Variants in RSRC1 observed in about 807,000 individuals in gnomAD.
RSRC1 encodes the protein arginine and serine rich coiled-coil 1.
In RSRC1, 39 loss-of-function variants were observed where a neutral mutation model predicts 49.1. The observed-to-expected ratio is 0.79, with a 90% CI of 0.61 to 1.04. The LOEUF (loss-of-function observed/expected upper bound fraction) is 1.04, where lower values mean the gene tolerates loss of function less well. Among genes scored for constraint, RSRC1 ranks in the 50% least tolerant of loss-of-function variants. The probability of loss-of-function intolerance (pLI) is 0.00; values close to 1 mark genes in which losing one functional copy is unlikely to be tolerated. For missense variants in RSRC1, 388 were observed against 402.4 expected, an observed-to-expected ratio of 0.96 and a Z score of 0.31; for synonymous variants, 143 against 130.8, an observed-to-expected ratio of 1.09 and a Z score of -0.63.
chr3:158,242,437 T>C (rs1349678842), intron 4 of RSRC1, among the ~76,000 whole-genome samples: 1 of 152,240 alleles, frequency 6.6e-6, no homozygotes, highest in East Asian at 1.9e-4. Flanking sequence ...CACATTTTCT[T>C]TATCCAATCT....
chr3:158,119,934 G>A (rs181929344), intron 1 of RSRC1, among the ~76,000 whole-genome samples: 1 of 150,140 alleles, frequency 6.7e-6, no homozygotes. Flanking sequence ...AGGTTCAAGC[G>A]ATTCTCCTGT....
At chr3:158,528,202 C>T (rs1438065936) in intron 7 of RSRC1, among the ~76,000 whole-genome samples, 2 of 151,798 alleles carry the variant, frequency 1.3e-5, no homozygotes, top group Admixed American at 1.3e-4. Context: ...ACAAGGCCAG[C>T]CAGCAACAAA....
intron 4 of RSRC1, among the ~76,000 whole-genome samples, chr3:158,229,406 A>G (rs1475958638): frequency 3.4e-5 from 5 of 147,470 alleles, no homozygotes; most frequent in Non-Finnish European, 7.5e-5. Flanking sequence ...ACACATACAC[A>G]CGTATATGTG....
intron 5 of RSRC1, among the ~76,000 whole-genome samples, chr3:158,352,503 T>C (rs1046277151): frequency 1.3e-5 from 2 of 152,038 alleles, no homozygotes; most frequent in African/African-American, 2.4e-5. Context: ...CCTTATGAAA[T>C]ACAAAAAAAA....
At chr3:158,321,353 T>C (rs1728750254) in intron 5 of RSRC1, among the ~76,000 whole-genome samples, 1 of 151,956 alleles carries the variant, frequency 6.6e-6, no homozygotes, top group African/African-American at 2.4e-5. Flanking sequence ...CTCTCTCTTA[T>C]CTTTTTTCTC....
intron 6 of RSRC1, among the ~76,000 whole-genome samples, chr3:158,366,285 A>G (rs886642566): frequency 5.3e-5 from 8 of 152,156 alleles, no homozygotes; most frequent in African/African-American, 1.9e-4. Context: ...TGTAGGTCTT[A>G]CGTTTAAGTC....
chr3:158,400,036 G>T (rs142064550), intron 6 of RSRC1, among the ~76,000 whole-genome samples: 1 of 152,130 alleles, frequency 6.6e-6, no homozygotes, highest in East Asian at 1.9e-4. Context: ...AGATGTTTCA[G>T]TCTATTTGCC....
chr3:158,298,138 C>A, intron 5 of RSRC1, 63 bp downstream of exon 5: 1 of 1,178,794 alleles, frequency 8.5e-7, no homozygotes, highest in Non-Finnish European at 1.3e-6. Context: ...TAAATGAACA[C>A]TTTTGAATGA....
chr3:158,382,314 T>C (rs1053093288), intron 6 of RSRC1, among the ~76,000 whole-genome samples: 1 of 152,144 alleles, frequency 6.6e-6, no homozygotes, highest in Non-Finnish European at 1.5e-5. Context: ...TAACTTTTTT[T>C]TATAAGTAGA....
chr3:158,307,887 A>T (rs1465211058), intron 5 of RSRC1, among the ~76,000 whole-genome samples: 1 of 151,944 alleles, frequency 6.6e-6, no homozygotes, highest in South Asian at 2.1e-4. Flanking sequence ...TTTTAGTAGA[A>T]TCTTTTAATT....
At chr3:158,178,045 T>A (rs1286117403) in intron 3 of RSRC1, among the ~76,000 whole-genome samples, 3 of 152,210 alleles carry the variant, frequency 2.0e-5, no homozygotes, top group African/African-American at 7.2e-5. Flanking sequence ...ACCTTCTTTT[T>A]GTTATCTGTA....
At chr3:158,272,039 G>A (rs1559970715) in intron 4 of RSRC1, among the ~76,000 whole-genome samples, 1 of 150,650 alleles carries the variant, frequency 6.6e-6, no homozygotes, top group African/African-American at 2.4e-5. Context: ...CCAATTTGTT[G>A]TTTTTTTTTC....
chr3:158,243,149 C>T (rs945319716), intron 4 of RSRC1, among the ~76,000 whole-genome samples: 1 of 152,114 alleles, frequency 6.6e-6, no homozygotes, highest in Non-Finnish European at 1.5e-5. Context: ...ATGGTATCAC[C>T]TAGGTTTTCT....
rs553360714 is a variant in RSRC1 at position 158,323,878 on chromosome 3, T to G, written c.531+25803T>G. Among the ~76,000 whole-genome samples the G allele has an allele frequency of 1.3e-3, 193 of 152,300 alleles. 1 individual carries two copies. The highest frequency in any genetic ancestry group is 2.3e-3 in the Non-Finnish European group (155 of 68,028). ...TCTTACTGGAAATAAGATGCATCAT[T>G]GCTAACATTCAGAACAGTTCCTTCA... On this transcript the variant is annotated intron_variant, in intron 5 of 9. Coordinates refer to ENST00000611884, the MANE Select transcript of RSRC1 (RefSeq NM_001271838.2).
intron 7 of RSRC1, among the ~76,000 whole-genome samples, chr3:158,508,664 A>T (rs1739997567): frequency 6.6e-6 from 1 of 152,118 alleles, no homozygotes; most frequent in South Asian, 2.1e-4. Context: ...GCGTGATGAA[A>T]TCTCACACCA....
At chr3:158,230,520 T>C (rs1341338398) in intron 4 of RSRC1, among the ~76,000 whole-genome samples, 1 of 146,958 alleles carries the variant, frequency 6.8e-6, no homozygotes, top group East Asian at 2.1e-4. Context: ...TTTAATATGG[T>C]GAAGCAACAG....
At chr3:158,451,780 C>T (rs542007128) in intron 6 of RSRC1, among the ~76,000 whole-genome samples, 1 of 152,080 alleles carries the variant, frequency 6.6e-6, no homozygotes, top group Admixed American at 6.6e-5. Flanking sequence ...ATTAGAATTA[C>T]ATTAAATAGA....
intron 4 of RSRC1, among the ~76,000 whole-genome samples, chr3:158,228,187 A>G (rs1363568706): frequency 6.6e-6 from 1 of 152,040 alleles, no homozygotes; most frequent in Admixed American, 6.6e-5. Flanking sequence ...TGAACATAAT[A>G]AAATCTCCAT....
At chr3:158,517,061 G>A (rs578073258) in intron 7 of RSRC1, among the ~76,000 whole-genome samples, 36 of 152,310 alleles carry the variant, frequency 2.4e-4, no homozygotes, top group Admixed American at 2.2e-3. Flanking sequence ...CGTCTTCTGC[G>A]TCGCTCACGC....
Sources: gnomAD v4.1 joint callset for allele counts (sites outside exome capture counted in the v4.1 genomes callset) on GRCh38, gnomAD v4.1.1 for gene constraint, MANE v1.5 for transcripts, NCBI Gene and HGNC (gene_info 2026-07-23, HGNC 2026-07-21) for gene names.